TGM7: variants seen among roughly 807,000 people sequenced by gnomAD.
TGM7 encodes transglutaminase 7.
A neutral mutation model predicts 79.5 loss-of-function variants in TGM7; 74 were observed. The observed-to-expected ratio is 0.93, with a 90% CI of 0.77 to 1.13. The LOEUF (loss-of-function observed/expected upper bound fraction) is 1.13. Ranked by LOEUF, TGM7 falls within the 50% of genes most tolerant of loss-of-function variation. TGM7 has a pLI of 0.00. For missense variants in TGM7, 912 were observed against 905.9 expected, an observed-to-expected ratio of 1.01 and a Z score of -0.09; for synonymous variants, 354 against 362.5, an observed-to-expected ratio of 0.98 and a Z score of 0.27.
intron 4 of TGM7, among the ~76,000 whole-genome samples, chr15:43,291,134 C>T (rs12901317): frequency 0.056 from 8,495 of 152,264 alleles, 347 homozygotes; most frequent in Middle Eastern, 0.092. Flanking sequence ...GCGTCCCTGT[C>T]TTGTGCCAGT....
At position 43,297,688 on chromosome 15, in the gene TGM7, G is replaced by A. The variant is rs140560508; in HGVS notation, c.11-4057C>T. On this transcript the variant is annotated intron_variant, in intron 1 of 12. Coordinates refer to ENST00000452443, the MANE Select transcript of TGM7 (RefSeq NM_052955.3). ...CAGCCATCTGCATGTGATGAGCTCC[G>A]CGATGCAAAGCTCCTGTCCTCTGAC... 2.7e-3 allele frequency among the ~76,000 whole-genome samples: 411 copies of A among 152,144 alleles called. 4 individuals are homozygous for A. The highest frequency in any genetic ancestry group is 2.7e-3 in the Non-Finnish European group (182 of 67,994).
intron 1 of TGM7, among the ~76,000 whole-genome samples, chr15:43,300,416 A>T (rs768943477): frequency 5.3e-5 from 8 of 152,200 alleles, no homozygotes; most frequent in Non-Finnish European, 1.2e-4. Flanking sequence ...TGACTCTAGA[A>T]CCTAGTTCTT....
intron 4 of TGM7, among the ~76,000 whole-genome samples, chr15:43,290,264 A>G (rs1182199422): frequency 1.3e-5 from 2 of 152,044 alleles, no homozygotes; most frequent in South Asian, 2.1e-4. Flanking sequence ...AAGGGGTCCA[A>G]TTTCAGCTTT....
intron 6 of TGM7, among the ~76,000 whole-genome samples, chr15:43,286,491 CCT>C (rs1028300049): frequency 3.9e-5 from 6 of 152,182 alleles, no homozygotes; most frequent in African/African-American, 1.4e-4. Flanking sequence ...ATTTAAACCT[CCT>C]CTGTGTCTGC....
At chr15:43,291,526 C>T (rs1436067167) in intron 4 of TGM7, among the ~76,000 whole-genome samples, 2 of 152,210 alleles carry the variant, frequency 1.3e-5, no homozygotes, top group African/African-American at 4.8e-5. Flanking sequence ...ATAATTTTCA[C>T]ATCACAAAAT....
intron 6 of TGM7, among the ~76,000 whole-genome samples, chr15:43,285,827 T>C (rs1168820289): frequency 7.0e-6 from 1 of 143,522 alleles, no homozygotes; most frequent in Non-Finnish European, 1.5e-5. Flanking sequence ...AGTGTAAACA[T>C]TACCCCCAAC....
chr15:43,300,636 C>T (rs2043020994), intron 1 of TGM7, among the ~76,000 whole-genome samples: 1 of 152,152 alleles, frequency 6.6e-6, no homozygotes, highest in Non-Finnish European at 1.5e-5. Flanking sequence ...CCTGTCTCTA[C>T]TAAAAATACA....
At position 43,292,022 on chromosome 15, in the gene TGM7, C is replaced by T. The variant is rs1043666538; in HGVS notation, c.515G>A (p.Gly172Asp). ...CCAGGAGGTGATGAATCTTTCATGACCCTTGTAAACAAAGCCATAATCTCG... is the reference window on the plus strand; with the variant it reads ...CCAGGAGGTGATGAATCTTTCATGATCCTTGTAAACAAAGCCATAATCTCG... Reference protein sequence around the residue: ...IMRDYGFVYKGHERFITSWPW... With the variant: ...IMRDYGFVYKDHERFITSWPW... Residue 172 changes from glycine (G) to aspartate (D), a missense_variant, in exon 4 of 13, where the codon GGT becomes GAT. Coordinates refer to ENST00000452443, the MANE Select transcript of TGM7 (RefSeq NM_052955.3). 1 of 1,613,928 alleles carries T rather than the reference C, an allele frequency of 6.2e-7. No homozygotes were observed. Among genetic ancestry groups the T allele is most frequent in the Non-Finnish European group, 8.5e-7 (1 of 1,180,018 alleles).
chr15:43,301,433 C>T (rs2142426441), intron 1 of TGM7, among the ~76,000 whole-genome samples: 1 of 151,484 alleles, frequency 6.6e-6, no homozygotes, highest in African/African-American at 2.4e-5. Flanking sequence ...AGTTCAAGAC[C>T]AGCCTGGCCA....
In TGM7 at chr15:43,292,948, T is replaced by C. The variant is rs941818738; in HGVS notation, c.200A>G (p.Lys67Arg). The change falls in exon 3 of 13, where the codon AAG becomes AGG. Residue 67 changes from lysine (K) to arginine (R), a missense_variant. Physicochemically the swap from Lys to Arg is conservative, Grantham distance 26 (BLOSUM62 2). Transcript: ENST00000452443. The part of the protein sequence containing the change: ...HITFVAETGP[K>R]PSELLGTRAT... ...TCGGGTCCCCAGCAGCTCTGACGGC[T>C]TGGGTCCTGTGTAGGAGAGAATGAC... The C allele has an allele frequency of 1.9e-6, 3 of 1,613,202 alleles. No homozygotes were observed. Among genetic ancestry groups the C allele is most frequent in the Admixed American group, 1.7e-5 (1 of 60,008 alleles).
chr15:43,278,834 G>A (rs78183371), intron 11 of TGM7, among the ~76,000 whole-genome samples: 5 of 152,172 alleles, frequency 3.3e-5, no homozygotes, highest in Non-Finnish European at 5.9e-5. Context: ...TGCCTTTCCC[G>A]TCTCTTTGCC....
At chr15:43,293,051 C>G (rs1408056244) in intron 2 of TGM7, 97 bp from the exon 3 acceptor site, 1 of 1,511,190 alleles carries the variant, frequency 6.6e-7, no homozygotes, top group African/African-American at 1.4e-5. Context: ...CTCCCACCAC[C>G]TGCTAATGCT....
chr15:43,283,727 C>G (rs74894699), intron 7 of TGM7, among the ~76,000 whole-genome samples: 6 of 152,322 alleles, frequency 3.9e-5, no homozygotes, highest in Non-Finnish European at 7.4e-5. Context: ...GAATCAGAGA[C>G]AATTCAGACC....
chr15:43,287,403 A>G lies in TGM7; in HGVS notation c.742T>C (p.Ser248Pro), dbSNP rs375690498. ...CACTCCAGAGGACTGACCCCTTTGGAGTAGTCCTCGCCCCAGTTCCCCTGC... is the reference window on the plus strand; with the variant it reads ...CACTCCAGAGGACTGACCCCTTTGGGGTAGTCCTCGCCCCAGTTCCCCTGC... Reference protein sequence around the residue: ...VLQGNWGEDYSKGVSPLEWKG... With the variant: ...VLQGNWGEDYPKGVSPLEWKG... The change falls in exon 6 of 13, where the codon TCC becomes CCC. Residue 248 changes from serine to proline, a missense_variant. Ser to Pro is a moderately conservative substitution (Grantham distance 74, BLOSUM62 -1). Coordinates refer to ENST00000452443, the MANE Select transcript of TGM7 (RefSeq NM_052955.3). 3.2e-5 allele frequency: 51 copies of G among 1,613,940 alleles called. No homozygotes were observed. The African/African-American group carries it at 6.0e-4, about 19-fold the overall frequency.
chr15:43,297,025 A>T (rs1304875905), intron 1 of TGM7, among the ~76,000 whole-genome samples: 1 of 152,178 alleles, frequency 6.6e-6, no homozygotes, highest in Non-Finnish European at 1.5e-5. Context: ...TCTTGGCCAC[A>T]ATACCACTGG....
At chr15:43,294,125 T>C (rs866543320) in intron 1 of TGM7, among the ~76,000 whole-genome samples, 2 of 152,182 alleles carry the variant, frequency 1.3e-5, no homozygotes, top group African/African-American at 4.8e-5. Flanking sequence ...CCTACTGATA[T>C]AAGAATAAAC....
rs186559361 is a variant in TGM7 at position 43,288,652 on chromosome 15, A to T, written c.559-983T>A. Among the ~76,000 whole-genome samples the T allele has an allele frequency of 1.6e-3, 237 of 152,262 alleles. 1 individual carries two copies. The highest frequency in any genetic ancestry group is 5.7e-3 in the African/African-American group (236 of 41,546). ...GTATCTGTAATTTGCTTAAAAAAAA[A>T]TTTGCCGGCAGCAGTGGCTGTAATC... On this transcript the variant is annotated intron_variant, in intron 4 of 12. Coordinates refer to ENST00000452443, the MANE Select transcript of TGM7 (RefSeq NM_052955.3).
chr15:43,300,043 A>G (rs1474500193), intron 1 of TGM7, among the ~76,000 whole-genome samples: 2 of 152,164 alleles, frequency 1.3e-5, no homozygotes, highest in African/African-American at 4.8e-5. Flanking sequence ...ATGGCCTCCA[A>G]ACAGACCATA....
chr15:43,294,654 C>T (rs969783335), intron 1 of TGM7, among the ~76,000 whole-genome samples: 3 of 152,110 alleles, frequency 2.0e-5, no homozygotes, highest in African/African-American at 7.2e-5. Flanking sequence ...CATTTACTGT[C>T]GACAAAAGTT....
Sources: allele counts gnomAD v4.1 joint callset (sites outside exome capture counted in the v4.1 genomes callset), GRCh38; gene constraint gnomAD v4.1.1; transcripts MANE v1.5; gene names NCBI Gene and HGNC (gene_info 2026-07-23, HGNC 2026-07-21).